Variants in KDM4C observed in about 807,000 individuals in gnomAD.
KDM4C encodes lysine-specific demethylase 4C.
KDM4C carries 81 observed loss-of-function variants against 129.3 expected under a neutral mutation model. The observed-to-expected ratio is 0.63, with a 90% CI of 0.52 to 0.75. The LOEUF (loss-of-function observed/expected upper bound fraction) is 0.75. KDM4C is among the 30% of genes least tolerant of loss of function. KDM4C has a pLI of 0.00. For synonymous variants in KDM4C, 573 were observed against 456.1 expected (o/e 1.26, Z -3.26); for missense variants, 1,457 against 1,304.0 (o/e 1.12, Z -1.81).
intron 8 of KDM4C, among the ~76,000 whole-genome samples, chr9:6,953,666 C>T (rs185472110): frequency 6.6e-6 from 1 of 152,164 alleles, no homozygotes; most frequent in Non-Finnish European, 1.5e-5. Context: ...TGGACCTTTT[C>T]TTGCTGATCC....
chr9:6,764,315 C>G (rs536982838), intron 1 of KDM4C, among the ~76,000 whole-genome samples: 13 of 152,290 alleles, frequency 8.5e-5, no homozygotes, highest in Non-Finnish European at 1.3e-4. Context: ...GGTATGAGCA[C>G]TTAAGTGCTA....
chr9:6,853,767 T>G (rs1450606977), intron 5 of KDM4C, among the ~76,000 whole-genome samples: 1 of 152,162 alleles, frequency 6.6e-6, no homozygotes, highest in African/African-American at 2.4e-5. Flanking sequence ...AAGTATTATT[T>G]TCTTGGAATG....
At chr9:7,120,132 A>G (rs1451838325) in intron 18 of KDM4C, among the ~76,000 whole-genome samples, 1 of 151,790 alleles carries the variant, frequency 6.6e-6, no homozygotes, top group Non-Finnish European at 1.5e-5. Context: ...TCACTGCTGT[A>G]GAATGCTCAT....
chr9:6,833,744 G>A (rs1465900376), intron 4 of KDM4C, among the ~76,000 whole-genome samples: 1 of 152,218 alleles, frequency 6.6e-6, no homozygotes, highest in Non-Finnish European at 1.5e-5. Context: ...CTAAAGCAAA[G>A]CAAGACAGAA....
At chr9:7,161,604 C>T (rs759499560) in intron 19 of KDM4C, among the ~76,000 whole-genome samples, 22 of 152,218 alleles carry the variant, frequency 1.4e-4, no homozygotes, top group Non-Finnish European at 2.2e-4. Context: ...CTGCACCCCA[C>T]AGAGCCATGG....
chr9:6,919,545 G>GTCTGTCTGTCTATCTATCTA (rs1233591405), intron 8 of KDM4C, among the ~76,000 whole-genome samples: 2 of 79,360 alleles, frequency 2.5e-5, no homozygotes, highest in Admixed American at 1.4e-4. Flanking sequence ...CTGTCTGTCT[G>GTCTGTCTGTCTATCTATCTA]TCTATCTATC....
intron 17 of KDM4C, chr9:7,077,236 G>A: frequency 1.0e-6 from 1 of 984,974 alleles, no homozygotes; most frequent in Non-Finnish European, 1.2e-6. Flanking sequence ...CCTACAATAT[G>A]GTGAATTAAA....
At chr9:6,843,446 C>G (rs1055842235) in intron 4 of KDM4C, among the ~76,000 whole-genome samples, 1 of 152,198 alleles carries the variant, frequency 6.6e-6, no homozygotes, top group African/African-American at 2.4e-5. Context: ...GATTTATGTA[C>G]TATTGGGAAG....
At chr9:6,924,314 G>C (rs557140241) in intron 8 of KDM4C, among the ~76,000 whole-genome samples, 1 of 152,232 alleles carries the variant, frequency 6.6e-6, no homozygotes, top group East Asian at 1.9e-4. Context: ...AGTCCACTTT[G>C]CCCTAGTCTC....
At position 7,103,708 on chromosome 9, in the gene KDM4C, G is replaced by C. The variant is rs757415978; in HGVS notation, c.2448G>C (p.Arg816=). Residue 816 remains arginine, a synonymous_variant, in exon 18 of 22, where the codon CGG becomes CGC. Transcript: ENST00000381309. ...AGAAATGCATCTTCTGCAGACACCG[G>C]GTTAAGAGGGTCTCTGGAGCCTGCA... ...LKLKCIFCRH[R]VKRVSGACIQ... 9 of 1,613,708 alleles carry C rather than the reference G, an allele frequency of 5.6e-6. No individual in the cohort carries two copies. The highest frequency in any genetic ancestry group is 7.6e-6 in the Non-Finnish European group (9 of 1,179,854).
chr9:6,880,896 C>T (rs938492495), intron 6 of KDM4C, among the ~76,000 whole-genome samples: 1 of 152,122 alleles, frequency 6.6e-6, no homozygotes, highest in East Asian at 1.9e-4. Context: ...GTTTTGCTAG[C>T]CACCCTTCCA....
chr9:6,874,994 C>A (rs903073826), intron 5 of KDM4C, among the ~76,000 whole-genome samples: 1 of 151,272 alleles, frequency 6.6e-6, no homozygotes, highest in Admixed American at 6.6e-5. Flanking sequence ...GGGAGTTTGA[C>A]TGAAGTAGAC....
At chr9:6,940,090 T>C (rs62533837) in intron 8 of KDM4C, among the ~76,000 whole-genome samples, 36,197 of 146,930 alleles carry the variant, frequency 0.25, 5,235 homozygotes, top group South Asian at 0.38. Context: ...TTTCTTTCCT[T>C]CTTTTCTTTC....
rs530451866 is a variant in KDM4C, at chr9:6,854,853, G to A, written c.629+5153G>A. Among the ~76,000 whole-genome samples, 18 of 152,288 alleles carry A rather than the reference G, an allele frequency of 1.2e-4. No individual in the cohort carries two copies. The Middle Eastern group carries it at 0.01, about 86-fold the overall frequency. On this transcript the variant is annotated intron_variant, in intron 5 of 21. Coordinates refer to ENST00000381309, the MANE Select transcript of KDM4C (RefSeq NM_015061.6). ...GTAGTACTTACCAGCACAGGTTTTT[G>A]TGTCAGTCTTGAGTTTTGCAAAACT...
At chr9:6,980,678 T>A (rs1001954769) in intron 8 of KDM4C, among the ~76,000 whole-genome samples, 3 of 152,212 alleles carry the variant, frequency 2.0e-5, no homozygotes, top group African/African-American at 4.8e-5. Context: ...CTTTTAGTTT[T>A]TCTTAGTACA....
At position 6,937,509 on chromosome 9, in the gene KDM4C, C is replaced by G. The variant is rs180803241; in HGVS notation, c.922-43416C>G. ...ATAGTAGGGTATTTTTGTGTTTAAA[C>G]AACAGTTTTTATTGTAATCTTACAT... On this transcript the variant is annotated intron_variant, in intron 8 of 21. Transcript: ENST00000381309. 2.8e-3 allele frequency among the ~76,000 whole-genome samples: 429 copies of G among 152,132 alleles called. 1 individual carries two copies. Among genetic ancestry groups the G allele is most frequent in the African/African-American group, 9.9e-3 (410 of 41,508 alleles).
At chr9:6,938,380 A>T (rs897052446) in intron 8 of KDM4C, among the ~76,000 whole-genome samples, 1 of 152,218 alleles carries the variant, frequency 6.6e-6, no homozygotes, top group Non-Finnish European at 1.5e-5. Context: ...TAGGAGGATG[A>T]AAAGAAATAG....
intron 17 of KDM4C, among the ~76,000 whole-genome samples, chr9:7,072,407 A>G (rs1220185232): frequency 6.6e-6 from 1 of 152,326 alleles, no homozygotes; most frequent in African/African-American, 2.4e-5. Flanking sequence ...TTCTCAAAAC[A>G]TGGTACCTTC....
At chr9:6,989,641 T>C (rs762466076) in intron 11 of KDM4C, among the ~76,000 whole-genome samples, 2 of 152,136 alleles carry the variant, frequency 1.3e-5, no homozygotes, top group Non-Finnish European at 2.9e-5. Context: ...CATTTCTGAA[T>C]GGAAAGAAGT....
Sources: allele counts gnomAD v4.1 joint callset (sites outside exome capture counted in the v4.1 genomes callset), GRCh38; gene constraint gnomAD v4.1.1; transcripts MANE v1.5; gene names NCBI Gene and HGNC (gene_info 2026-07-23, HGNC 2026-07-21).